CSMD2: variants seen among roughly 807,000 people sequenced by gnomAD.
CSMD2 encodes CUB and sushi domain-containing protein 2.
A neutral mutation model predicts 398.5 loss-of-function variants in CSMD2; 130 were observed. The observed-to-expected ratio is 0.33, with a 90% CI of 0.28 to 0.38. CSMD2 has a LOEUF of 0.38. Ranked by LOEUF, CSMD2 falls within the 10% of genes least tolerant of loss-of-function variation. CSMD2 has a pLI of 1.00. For synonymous variants in CSMD2, 1,828 were observed against 1,908.5 expected (o/e 0.96, Z 1.10); for missense variants, 3,829 against 4,764.9 (o/e 0.80, Z 5.78).
At chr1:34,122,536 G>C (rs1188638297) in intron 1 of CSMD2, among the ~76,000 whole-genome samples, 1 of 152,064 alleles carries the variant, frequency 6.6e-6, no homozygotes, top group African/African-American at 2.4e-5. Flanking sequence ...CCTCTCTGGT[G>C]CTAATTTATC....
chr1:33,629,733 A>C (rs1220377183), intron 32 of CSMD2, among the ~76,000 whole-genome samples: 1 of 148,906 alleles, frequency 6.7e-6, no homozygotes, highest in Non-Finnish European at 1.5e-5. Context: ...ACTGATATTG[A>C]TATCTACAGG....
At chr1:33,719,566 A>C (rs935338408) in intron 19 of CSMD2, among the ~76,000 whole-genome samples, 3 of 152,176 alleles carry the variant, frequency 2.0e-5, no homozygotes, top group African/African-American at 7.2e-5. Flanking sequence ...TGCACACACA[A>C]ATACTTCACT....
At chr1:33,665,460 CTTTTTTTTTTTTT>C (rs745495781) in intron 25 of CSMD2, among the ~76,000 whole-genome samples, 2 of 73,912 alleles carry the variant, frequency 2.7e-5, no homozygotes, top group Non-Finnish European at 5.1e-5. Context: ...TTTCTTCTCT[CTTTTTTTTTTTTT>C]TTTTTTTTTT....
intron 3 of CSMD2, among the ~76,000 whole-genome samples, chr1:33,991,613 C>A (rs1646556082): frequency 6.6e-6 from 1 of 152,062 alleles, no homozygotes; most frequent in Non-Finnish European, 1.5e-5. Context: ...AAAAAATCCC[C>A]CTGAAAGGGA....
intron 12 of CSMD2, among the ~76,000 whole-genome samples, chr1:33,777,286 T>G (rs1569875191): frequency 6.6e-6 from 1 of 151,862 alleles, no homozygotes; most frequent in East Asian, 1.9e-4. Context: ...AGAATCAAGA[T>G]TGGGTGGAAG....
At chr1:33,901,757 A>C (rs1342155222) in intron 5 of CSMD2, among the ~76,000 whole-genome samples, 1 of 152,214 alleles carries the variant, frequency 6.6e-6, no homozygotes, top group Non-Finnish European at 1.5e-5. Flanking sequence ...ATATTTGTGA[A>C]ATAAATAAAT....
chr1:33,762,951 T>C (rs981611969), intron 13 of CSMD2, among the ~76,000 whole-genome samples: 8 of 152,172 alleles, frequency 5.3e-5, no homozygotes, highest in Non-Finnish European at 7.3e-5. Flanking sequence ...TACTGGACCA[T>C]GCATCTCACT....
intron 24 of CSMD2, 108 bp downstream of exon 24, chr1:33,698,645 G>T: frequency 9.8e-7 from 1 of 1,018,568 alleles, no homozygotes; most frequent in Non-Finnish European, 1.4e-6. Context: ...AGTCCAAGTT[G>T]ATGGCCCCCA....
intron 31 of CSMD2, among the ~76,000 whole-genome samples, chr1:33,634,069 C>T (rs1377979814): frequency 6.6e-6 from 1 of 152,206 alleles, no homozygotes; most frequent in Non-Finnish European, 1.5e-5. Context: ...CTCTGGGTAG[C>T]AGATCAGATT....
chr1:33,747,667 C>T (rs1569690494), intron 13 of CSMD2, among the ~76,000 whole-genome samples: 4 of 152,166 alleles, frequency 2.6e-5, no homozygotes, highest in Non-Finnish European at 5.9e-5. Flanking sequence ...ACAGGTTAAT[C>T]TCCCAGTAAT....
intron 3 of CSMD2, among the ~76,000 whole-genome samples, chr1:33,947,787 C>T (rs1207621406): frequency 6.6e-6 from 1 of 152,222 alleles, no homozygotes; most frequent in Non-Finnish European, 1.5e-5. Flanking sequence ...AGCATAAGCA[C>T]CATCGCTTAC....
chr1:34,095,521 A>T (rs1571101714), intron 1 of CSMD2, among the ~76,000 whole-genome samples: 2 of 151,954 alleles, frequency 1.3e-5, no homozygotes, highest in Admixed American at 6.6e-5. Context: ...AGCAAGACTA[A>T]TAAAGAAAAA....
intron 1 of CSMD2, among the ~76,000 whole-genome samples, chr1:34,131,932 G>C (rs1258549104): frequency 6.6e-6 from 1 of 152,132 alleles, no homozygotes; most frequent in Non-Finnish European, 1.5e-5. Flanking sequence ...TCATGAGCTA[G>C]CTGGGGCCAG....
chr1:33,819,226 C>T (rs1421246049), intron 9 of CSMD2, among the ~76,000 whole-genome samples: 2 of 152,186 alleles, frequency 1.3e-5, no homozygotes, highest in African/African-American at 4.8e-5. Context: ...GGGAACAAAA[C>T]ACCCAGATAG....
At chr1:33,961,601 G>C (rs1645361943) in intron 3 of CSMD2, among the ~76,000 whole-genome samples, 3 of 152,214 alleles carry the variant, frequency 2.0e-5, no homozygotes, top group Admixed American at 2.0e-4. Context: ...GAGATGGTTT[G>C]AATGCGAGCC....
intron 2 of CSMD2, among the ~76,000 whole-genome samples, chr1:34,087,855 A>C (rs1253283432): frequency 1.3e-5 from 2 of 152,156 alleles, no homozygotes; most frequent in African/African-American, 4.8e-5. Context: ...TATTTGTGGA[A>C]TGAATGATTG....
intron 5 of CSMD2, among the ~76,000 whole-genome samples, chr1:33,886,303 T>A (rs1438510989): frequency 6.6e-6 from 1 of 152,152 alleles, no homozygotes; most frequent in African/African-American, 2.4e-5. Flanking sequence ...GGAGAAATTC[T>A]GGAGACAAGC....
At chr1:33,738,164 T>G (rs1646943478) in intron 15 of CSMD2, among the ~76,000 whole-genome samples, 1 of 152,186 alleles carries the variant, frequency 6.6e-6, no homozygotes, top group African/African-American at 2.4e-5. Flanking sequence ...GATTTGAGTT[T>G]AGGAATTGGG....
Position 33,979,105 on chromosome 1 carries a change from C to G in CSMD2, c.518-43151G>C, listed in dbSNP as rs547362736. 4.5e-4 allele frequency among the ~76,000 whole-genome samples: 68 copies of G among 152,252 alleles called. 1 individual carries two copies. In the Middle Eastern group the frequency reaches 0.02, roughly 46 times the overall value. ...CCACGTTTCTGTTGCTTTGTGTGCC[C>G]ATCTGACATGCTCCTGTCTCACCTG... On this transcript the variant is annotated intron_variant, in intron 3 of 70. Coordinates refer to ENST00000373381, the MANE Select transcript of CSMD2 (RefSeq NM_001281956.2).
Sources: gnomAD v4.1 joint callset for allele counts (sites outside exome capture counted in the v4.1 genomes callset) on GRCh38, gnomAD v4.1.1 for gene constraint, MANE v1.5 for transcripts, NCBI Gene and HGNC (gene_info 2026-07-23, HGNC 2026-07-21) for gene names.